The following DDC variants were observed in gnomAD, a reference collection of about 807,000 sequenced individuals.
DDC encodes the protein dopa decarboxylase, also known as aromatic-L-amino-acid decarboxylase.
In DDC, 43 loss-of-function variants were observed where a neutral mutation model predicts 60.0. That is an observed-to-expected ratio of 0.72 (90% CI 0.56 to 0.92). The LOEUF is 0.92. Ranked by LOEUF, DDC falls within the 40% of genes least tolerant of loss-of-function variation. The pLI is 0.00. For missense variants in DDC, 573 were observed against 620.2 expected, an observed-to-expected ratio of 0.92 and a Z score of 0.81; for synonymous variants, 232 against 234.6, an observed-to-expected ratio of 0.99 and a Z score of 0.10.
chr7:50,495,286 C>T (rs1417337683), intron 9 of DDC, 64 bp downstream of exon 9: 2 of 1,280,312 alleles, frequency 1.6e-6, no homozygotes, highest in Non-Finnish European at 2.3e-6. Flanking sequence ...TGGCATCTTC[C>T]CTGCCAGCTT....
intron 6 of DDC, 74 bp downstream of exon 6, chr7:50,528,063 A>ATT: frequency 1.3e-6 from 2 of 1,525,246 alleles, no homozygotes; most frequent in Non-Finnish European, 9.0e-7. Context: ...TGCCCGGCTA[A>ATT]TTTTTTTTTG....
intron 8 of DDC, among the ~76,000 whole-genome samples, chr7:50,498,759 A>G (rs1361931013): frequency 6.6e-6 from 1 of 152,210 alleles, no homozygotes; most frequent in Non-Finnish European, 1.5e-5. Flanking sequence ...TCATGTTCAG[A>G]TGTATGGGCA....
intron 4 of DDC, among the ~76,000 whole-genome samples, chr7:50,535,998 G>C (rs1585251502): frequency 6.6e-6 from 1 of 152,152 alleles, no homozygotes; most frequent in Non-Finnish European, 1.5e-5. Context: ...AAATCACTAA[G>C]CCAAAGGGAA....
intron 1 of DDC, among the ~76,000 whole-genome samples, chr7:50,550,685 G>C (rs2044964953): frequency 6.6e-6 from 1 of 152,186 alleles, no homozygotes; most frequent in South Asian, 2.1e-4. Flanking sequence ...TCCCGCTGTG[G>C]GCTCCCAGGT....
intron 6 of DDC, among the ~76,000 whole-genome samples, chr7:50,520,185 A>G (rs540243716): frequency 6.6e-6 from 1 of 152,318 alleles, no homozygotes; most frequent in African/African-American, 2.4e-5. Context: ...GATCAAATCA[A>G]TATTTGTAAA....
Position 50,475,163 on chromosome 7 carries a change from G to A in DDC, c.1041+1461C>T, listed in dbSNP as rs149764946. Among the ~76,000 whole-genome samples the A allele has an allele frequency of 5.5e-3, 838 of 152,302 alleles. 8 individuals carry two copies. The highest frequency in any genetic ancestry group is 0.019 in the African/African-American group (809 of 41,570). On this transcript the variant is annotated intron_variant, in intron 11 of 14. Transcript: ENST00000444124. ...ACAGCACGTGGCCCTCATGCAACAT[G>A]AAGTCTGAGAAAGGCCACGAACCAG...
chr7:50,503,541 A>G (rs2153540478), intron 7 of DDC, among the ~76,000 whole-genome samples: 1 of 152,262 alleles, frequency 6.6e-6, no homozygotes, highest in South Asian at 2.1e-4. Context: ...TTGCTAAACT[A>G]CCTTCAGCAA....
intron 9 of DDC, 37 bp downstream of exon 9, chr7:50,495,313 G>A (rs988615182): frequency 3.5e-5 from 54 of 1,525,514 alleles, no homozygotes; most frequent in Admixed American, 1.0e-4. Context: ...CTGTCACCTC[G>A]GACAGGCAAC....
In DDC at chr7:50,528,249, A is replaced by G; in HGVS notation, c.602T>C (p.Ile201Thr). 3 of 1,614,154 alleles carry G rather than the reference A, an allele frequency of 1.9e-6. No homozygotes were observed. Among genetic ancestry groups the G allele is most frequent in the Non-Finnish European group, 2.5e-6 (3 of 1,180,014 alleles). ...AHSSVERAGL[I>T]GGVKLKAIPS... ...GATGGCTTTTAATTTCACTCCACCA[A>G]TTAACCCAGCTCTTTCCACTGAGGA... Residue 201 changes from isoleucine to threonine, a missense_variant, in exon 6 of 15, where the codon ATT (isoleucine) becomes ACT (threonine). Physicochemically the swap from Ile to Thr is moderately conservative, Grantham distance 89. Transcript: ENST00000444124.
At chr7:50,564,658 T>C (rs561807866) in intron 1 of DDC, among the ~76,000 whole-genome samples, 11 of 152,326 alleles carry the variant, frequency 7.2e-5, no homozygotes, top group Admixed American at 1.3e-4. Flanking sequence ...ATTCTCCCAA[T>C]AGAAATTCCT....
intron 6 of DDC, among the ~76,000 whole-genome samples, chr7:50,519,750 G>A (rs1425233237): frequency 6.6e-6 from 1 of 151,948 alleles, no homozygotes; most frequent in African/African-American, 2.4e-5. Context: ...AAGAGTGGGA[G>A]CGGGGGTGAG....
intron 1 of DDC, among the ~76,000 whole-genome samples, chr7:50,555,725 A>C (rs1257488552): frequency 1.3e-5 from 2 of 152,202 alleles, no homozygotes; most frequent in Non-Finnish European, 2.9e-5. Context: ...AATCTTCATA[A>C]GAACCTTGTC....
At chr7:50,537,036 TG>T (rs1401573797) in intron 4 of DDC, among the ~76,000 whole-genome samples, 93 of 53,226 alleles carry the variant, frequency 1.7e-3, no homozygotes, top group Admixed American at 5.9e-3. Flanking sequence ...GCTAGGAAGT[TG>T]TTTTTTTTTT....
chr7:50,547,465 C>T (rs113712924), intron 1 of DDC, among the ~76,000 whole-genome samples: 15,834 of 152,178 alleles, frequency 0.1, 1,072 homozygotes, highest in South Asian at 0.15. Flanking sequence ...GTTCTGTCTG[C>T]CTTGGCCTTC....
intron 9 of DDC, among the ~76,000 whole-genome samples, chr7:50,485,922 C>T (rs1732881185): frequency 6.6e-6 from 1 of 152,040 alleles, no homozygotes; most frequent in Non-Finnish European, 1.5e-5. Context: ...ATAATATAGT[C>T]CCTAAAAAGC....
intron 14 of DDC, among the ~76,000 whole-genome samples, chr7:50,461,840 C>T (rs2042280761): frequency 6.6e-6 from 1 of 152,156 alleles, no homozygotes; most frequent in Non-Finnish European, 1.5e-5. Flanking sequence ...CTTCCTCAGA[C>T]CCCAGGTCTT....
chr7:50,499,305 G>T lies in DDC; in HGVS notation c.782-63C>A, dbSNP rs963391353. ...TGCCTCACCACGGAGCCTGCCAGCT[G>T]ACCTCGCCCTGTCTGAGCACCTTCT... is the stretch of plus-strand genomic sequence containing the variant. On this transcript the variant is annotated intron_variant, in intron 7 of 14. Transcript: ENST00000444124. 25 of 1,157,520 alleles carry T rather than the reference G, an allele frequency of 2.2e-5. No homozygotes were observed. In the African/African-American group the frequency reaches 3.8e-4, roughly 18 times the overall value. 71.7% of individuals were successfully genotyped at this position (1,157,520 alleles called of 1,614,324 possible).
intron 10 of DDC, 40 bp from the exon 11 acceptor site, chr7:50,476,683 G>A (rs1400131427): frequency 6.3e-7 from 1 of 1,587,638 alleles, no homozygotes; most frequent in Admixed American, 1.7e-5. Context: ...GAAATCGTTA[G>A]ACAGGTTTGT....
intron 6 of DDC, among the ~76,000 whole-genome samples, chr7:50,504,928 A>G (rs2043351575): frequency 6.6e-6 from 1 of 152,238 alleles, no homozygotes; most frequent in South Asian, 2.1e-4. Context: ...TCTCTTTCTG[A>G]ATGATACTGT....
Sources: allele counts gnomAD v4.1 joint callset (sites outside exome capture counted in the v4.1 genomes callset), GRCh38; gene constraint gnomAD v4.1.1; transcripts MANE v1.5; gene names NCBI Gene and HGNC (gene_info 2026-07-23, HGNC 2026-07-21).